ITPR1: variants seen among roughly 807,000 people sequenced by gnomAD.
ITPR1 encodes the protein inositol 1,4,5-trisphosphate receptor type 1, also known as inositol 1,4,5-trisphosphate-gated calcium channel ITPR1.
Under a neutral mutation model 318.4 loss-of-function variants are expected in ITPR1, and 96 were observed. The observed-to-expected ratio is 0.30, with a 90% confidence interval of 0.26 to 0.36. ITPR1 has a LOEUF of 0.36. Among genes scored for constraint, ITPR1 ranks in the 10% least tolerant of loss-of-function variants. ITPR1 has a pLI of 1.00. For missense variants in ITPR1, 2,440 were observed against 3,460.2 expected, an observed-to-expected ratio of 0.71 and a Z score of 7.40; for synonymous variants, 1,312 against 1,289.9, an observed-to-expected ratio of 1.02 and a Z score of -0.37.
chr3:4,845,406 A>G (rs373819794), intron 61 of ITPR1, among the ~76,000 whole-genome samples: 29 of 152,366 alleles, frequency 1.9e-4, no homozygotes, highest in African/African-American at 6.5e-4. Context: ...AGACCCATCA[A>G]CATGAGAATA....
intron 61 of ITPR1, among the ~76,000 whole-genome samples, chr3:4,845,797 G>A (rs770667788): frequency 2.0e-5 from 3 of 152,084 alleles, no homozygotes; most frequent in Non-Finnish European, 4.4e-5. Flanking sequence ...TGTTACTATC[G>A]TACAAAGCCA....
intron 4 of ITPR1, among the ~76,000 whole-genome samples, chr3:4,605,280 A>G (rs951589718): frequency 1.3e-5 from 2 of 152,150 alleles, no homozygotes; most frequent in South Asian, 4.1e-4. Flanking sequence ...GGGACCACAT[A>G]TTATTTTAAA....
At chr3:4,751,954 G>A (rs1015592404) in intron 44 of ITPR1, among the ~76,000 whole-genome samples, 4 of 152,076 alleles carry the variant, frequency 2.6e-5, no homozygotes, top group Non-Finnish European at 2.9e-5. Context: ...ATCTATGCCC[G>A]CTCACATTTC....
chr3:4,604,739 TG>T (rs2091575452), intron 4 of ITPR1, among the ~76,000 whole-genome samples: 2 of 152,198 alleles, frequency 1.3e-5, no homozygotes, highest in South Asian at 4.1e-4. Context: ...GGGGAGGACC[TG>T]TGACTACCAG....
At chr3:4,676,408 G>A (rs1257892427) in intron 23 of ITPR1, among the ~76,000 whole-genome samples, 1 of 152,104 alleles carries the variant, frequency 6.6e-6, no homozygotes, top group African/African-American at 2.4e-5. Context: ...CCCCTCTGGG[G>A]ATTTTGAAGC....
At chr3:4,757,692 T>G (rs1241827374) in intron 44 of ITPR1, among the ~76,000 whole-genome samples, 1 of 152,224 alleles carries the variant, frequency 6.6e-6, no homozygotes, top group Non-Finnish European at 1.5e-5. Context: ...TAATGGCACC[T>G]ACCCCATGGG....
At chr3:4,506,142 C>T (rs2081377555) in intron 2 of ITPR1, among the ~76,000 whole-genome samples, 1 of 152,136 alleles carries the variant, frequency 6.6e-6, no homozygotes, top group African/African-American at 2.4e-5. Context: ...AAATTGAGGG[C>T]CAGATAAGGG....
chr3:4,760,799 T>TCTCCTGC (rs1161662496), intron 44 of ITPR1, among the ~76,000 whole-genome samples: 4 of 152,100 alleles, frequency 2.6e-5, no homozygotes, highest in South Asian at 2.1e-4. Context: ...GCCACCCTCC[T>TCTCCTGC]CTCCTGCCTC....
At position 4,768,767 on chromosome 3, in the gene ITPR1, G is replaced by C. The variant is rs778416982; in HGVS notation, c.5979+3G>C. 1 of 1,607,342 alleles carries C rather than the reference G, an allele frequency of 6.2e-7. No individual in the cohort carries two copies. Among genetic ancestry groups the C allele is most frequent in the East Asian group, 2.2e-5 (1 of 44,712 alleles). ...AAAACCACAACCGAGACCTGCAGGT[G>C]AGGGCCTGGGGGTGGGGGCGTGGAG... On this transcript the variant is annotated splice_donor_region_variant and intron_variant, in intron 46 of 61. Coordinates refer to ENST00000649015, the MANE Select transcript of ITPR1 (RefSeq NM_001378452.1).
intron 12 of ITPR1, 60 bp from the exon 13 acceptor site, chr3:4,658,064 T>C: frequency 1.4e-6 from 2 of 1,470,616 alleles, no homozygotes; most frequent in Admixed American, 3.9e-5. Context: ...TGTGGAATAA[T>C]TGTAGAAAGT....
intron 53 of ITPR1, chr3:4,799,751 G>A (rs2048105465): frequency 6.6e-6 from 1 of 152,208 alleles, no homozygotes; most frequent in African/African-American, 2.4e-5. Context: ...AGTAGCAAGA[G>A]ATGACAAAAA....
chr3:4,717,355 T>A lies in ITPR1; in HGVS notation c.5104-12T>A. 6.3e-7 allele frequency: 1 copy of A among 1,592,450 alleles called. No homozygotes were observed. The highest frequency in any genetic ancestry group is 8.5e-7 in the Non-Finnish European group (1 of 1,173,496). ...ATTTCCTTCTCTCTCTCTCCCCTTT[T>A]TTCTTTTCCAGCTAATTTCCATTGA... is the stretch of plus-strand genomic sequence containing the variant. On this transcript the variant is annotated splice_polypyrimidine_tract_variant and intron_variant, in intron 39 of 61. Transcript: ENST00000649015.
At chr3:4,626,810 A>G (rs573702378) in intron 4 of ITPR1, among the ~76,000 whole-genome samples, 1 of 152,158 alleles carries the variant, frequency 6.6e-6, no homozygotes, top group East Asian at 1.9e-4. Context: ...CCCTCCAAAT[A>G]AGCATCTTAT....
intron 61 of ITPR1, among the ~76,000 whole-genome samples, chr3:4,843,324 AATAAT>A (rs1307642866): frequency 6.6e-6 from 1 of 152,176 alleles, no homozygotes. Context: ...ATTTGAGAAA[AATAAT>A]ATATGTACAC....
chr3:4,608,723 C>T (rs953744917), intron 4 of ITPR1, among the ~76,000 whole-genome samples: 6 of 152,026 alleles, frequency 3.9e-5, no homozygotes, highest in African/African-American at 1.2e-4. Context: ...CAGTGGTGCC[C>T]GGGCACGGTG....
intron 24 of ITPR1, among the ~76,000 whole-genome samples, chr3:4,678,828 G>T (rs988612654): frequency 1.6e-4 from 24 of 152,194 alleles, no homozygotes; most frequent in African/African-American, 5.5e-4. Context: ...TCAGTGGGCA[G>T]TTCTTGCTGA....
chr3:4,638,169 C>T (rs1342473012), intron 5 of ITPR1, among the ~76,000 whole-genome samples: 1 of 152,156 alleles, frequency 6.6e-6, no homozygotes, highest in African/African-American at 2.4e-5. Flanking sequence ...GACCCACTGG[C>T]ACCTGGTAGC....
intron 31 of ITPR1, among the ~76,000 whole-genome samples, chr3:4,690,797 G>C (rs1282162309): frequency 6.6e-6 from 1 of 152,194 alleles, no homozygotes; most frequent in African/African-American, 2.4e-5. Context: ...TTTAAGAACA[G>C]GCAAAACTAA....
chr3:4,511,170 G>C (rs1337057653), intron 2 of ITPR1, among the ~76,000 whole-genome samples: 1 of 152,210 alleles, frequency 6.6e-6, no homozygotes, highest in East Asian at 1.9e-4. Flanking sequence ...GACCAGGAAA[G>C]GTATAGAGAA....
Sources: allele counts gnomAD v4.1 joint callset (sites outside exome capture counted in the v4.1 genomes callset), GRCh38; gene constraint gnomAD v4.1.1; transcripts MANE v1.5; gene names NCBI Gene and HGNC (gene_info 2026-07-23, HGNC 2026-07-21).